CNTNAP5: variants seen among roughly 807,000 people sequenced by gnomAD.
CNTNAP5 encodes the protein contactin associated protein family member 5.
In CNTNAP5, 72 loss-of-function variants were observed where a neutral mutation model predicts 150.2. The observed-to-expected ratio is 0.48, with a 90% CI of 0.40 to 0.58. The LOEUF (loss-of-function observed/expected upper bound fraction) is 0.58, where lower values mean the gene tolerates loss of function less well. CNTNAP5 is among the 20% of genes least tolerant of loss of function. CNTNAP5 has a pLI of 0.00. For missense variants in CNTNAP5, 1,636 were observed against 1,626.2 expected (o/e 1.01, Z -0.10); for synonymous variants, 672 against 619.8 (o/e 1.08, Z -1.25).
At chr2:124,059,671 T>C (rs1321079157) in intron 1 of CNTNAP5, among the ~76,000 whole-genome samples, 1 of 152,268 alleles carries the variant, frequency 6.6e-6, no homozygotes, top group African/African-American at 2.4e-5. Context: ...CATAGGGCTG[T>C]TAAGAAGGAG....
chr2:124,503,217 T>C (rs978638282), intron 7 of CNTNAP5, among the ~76,000 whole-genome samples: 3 of 152,218 alleles, frequency 2.0e-5, no homozygotes, highest in Non-Finnish European at 4.4e-5. Flanking sequence ...ATTAGAAATG[T>C]GCTACTGGTA....
At chr2:124,397,465 A>G (rs1197310384) in intron 3 of CNTNAP5, among the ~76,000 whole-genome samples, 1 of 152,154 alleles carries the variant, frequency 6.6e-6, no homozygotes, top group Non-Finnish European at 1.5e-5. Context: ...ATCACAGAGC[A>G]TTCATTCTCA....
rs112583668 is a variant in CNTNAP5 at position 124,311,740 on chromosome 2, C to T, written c.381+69347C>T. On this transcript the variant is annotated intron_variant, in intron 3 of 23. Coordinates refer to ENST00000682447, the MANE Select transcript of CNTNAP5 (RefSeq NM_001367498.1). The stretch of plus-strand genomic sequence containing the variant: ...ATTTGTACAAGTCACCTGACGGTCA[C>T]GTGTATTCACTCAGTGAAACTTTGC... Among the ~76,000 whole-genome samples, 586 of 152,280 alleles carry T rather than the reference C, an allele frequency of 3.8e-3. 5 individuals are homozygous for T. The highest frequency in any genetic ancestry group is 0.014 in the African/African-American group (564 of 41,564).
In CNTNAP5 at chr2:124,707,140, G is replaced by GGAAGAAGAAGAAGAA. The variant is rs76714465; in HGVS notation, c.2078-40037_2078-40023dup. 8.5e-3 allele frequency among the ~76,000 whole-genome samples: 733 copies of GGAAGAAGAAGAAGAA among 86,448 alleles called. 25 individuals carry two copies. Among genetic ancestry groups the GGAAGAAGAAGAAGAA allele is most frequent in the African/African-American group, 0.015 (327 of 21,764 alleles). 56.7% of individuals were successfully genotyped at this position (86,448 alleles called of 152,430 possible). ...AGAAGAAGAAAGAAGAAGAAGAAGA[G>GGAAGAAGAAGAAGAA]GAAGAAGAAGAAGAAGAAGAAGAAG... On this transcript the variant is annotated intron_variant, in intron 13 of 23. Coordinates refer to ENST00000682447, the MANE Select transcript of CNTNAP5 (RefSeq NM_001367498.1).
At chr2:124,779,775 C>A (rs1413626939) in intron 17 of CNTNAP5, among the ~76,000 whole-genome samples, 1 of 152,134 alleles carries the variant, frequency 6.6e-6, no homozygotes, top group Non-Finnish European at 1.5e-5. Flanking sequence ...CTGACAGACT[C>A]CTCTTCATGG....
intron 13 of CNTNAP5, among the ~76,000 whole-genome samples, chr2:124,706,373 A>T (rs1320791483): frequency 3.3e-5 from 5 of 152,124 alleles, no homozygotes; most frequent in African/African-American, 1.2e-4. Flanking sequence ...ATTGATGTGA[A>T]TTTCTGATAA....
intron 2 of CNTNAP5, among the ~76,000 whole-genome samples, chr2:124,241,319 G>A (rs1686880577): frequency 6.6e-6 from 1 of 152,056 alleles, no homozygotes; most frequent in South Asian, 2.1e-4. Context: ...TACATGTCAG[G>A]TATACTGAAT....
intron 11 of CNTNAP5, among the ~76,000 whole-genome samples, chr2:124,584,349 T>C (rs1696482335): frequency 7.3e-6 from 1 of 137,090 alleles, no homozygotes; most frequent in African/African-American, 2.8e-5. Context: ...CTCATCACTG[T>C]GGTGATAAGG....
At chr2:124,085,349 G>A (rs1682661783) in intron 1 of CNTNAP5, among the ~76,000 whole-genome samples, 1 of 152,086 alleles carries the variant, frequency 6.6e-6, no homozygotes, top group African/African-American at 2.4e-5. Context: ...ACAGCTGTTT[G>A]TGGCAGTCCT....
At chr2:124,044,889 AACACACACACACACACACAC>A (rs147761848) in intron 1 of CNTNAP5, among the ~76,000 whole-genome samples, 10 of 144,074 alleles carry the variant, frequency 6.9e-5, no homozygotes, top group African/African-American at 2.6e-4. Context: ...GTAGTGAGGA[AACACACACACACACACACAC>A]ACACACACAC....
At chr2:124,310,006 AGTCT>A (rs1162254890) in intron 3 of CNTNAP5, among the ~76,000 whole-genome samples, 7 of 151,334 alleles carry the variant, frequency 4.6e-5, no homozygotes, top group African/African-American at 1.7e-4. Flanking sequence ...TAGCTTACAC[AGTCT>A]GTCTGCTCTG....
At chr2:124,601,685 T>G (rs1240822054) in intron 11 of CNTNAP5, among the ~76,000 whole-genome samples, 1 of 104,388 alleles carries the variant, frequency 9.6e-6, no homozygotes, top group Non-Finnish European at 2.2e-5. Flanking sequence ...GAAAATAATA[T>G]TCAAAGGAAA....
At chr2:124,541,179 A>AGTTTTTTTT (rs561235258) in intron 10 of CNTNAP5, among the ~76,000 whole-genome samples, 1 of 83,082 alleles carries the variant, frequency 1.2e-5, no homozygotes, top group Non-Finnish European at 2.3e-5. Flanking sequence ...CAAAATTCCG[A>AGTTTTTTTT]TTTTTTTTTT....
intron 7 of CNTNAP5, among the ~76,000 whole-genome samples, chr2:124,486,508 C>A (rs1244237190): frequency 1.3e-5 from 2 of 152,188 alleles, no homozygotes; most frequent in African/African-American, 4.8e-5. Context: ...GGCTTTGGAA[C>A]TGAACTTCAG....
chr2:124,290,865 T>TCTTC (rs879449604), intron 3 of CNTNAP5, among the ~76,000 whole-genome samples: 27 of 149,178 alleles, frequency 1.8e-4, no homozygotes, highest in African/African-American at 4.2e-4. Flanking sequence ...CCAAGTCTCA[T>TCTTC]CTTCCTTCCT....
At chr2:124,649,602 T>C (rs1410773860) in intron 13 of CNTNAP5, among the ~76,000 whole-genome samples, 2 of 152,206 alleles carry the variant, frequency 1.3e-5, no homozygotes, top group African/African-American at 2.4e-5. Context: ...TCACTGTCCC[T>C]GGCCTTATTT....
intron 5 of CNTNAP5, among the ~76,000 whole-genome samples, chr2:124,435,379 C>G (rs1464401616): frequency 6.6e-6 from 1 of 151,944 alleles, no homozygotes; most frequent in East Asian, 1.9e-4. Flanking sequence ...GGAGAGAGGC[C>G]CAGCCTCCTG....
intron 3 of CNTNAP5, among the ~76,000 whole-genome samples, chr2:124,366,103 C>T (rs1267765754): frequency 2.0e-5 from 3 of 152,068 alleles, no homozygotes; most frequent in Non-Finnish European, 4.4e-5. Context: ...AGGGTGAGAC[C>T]ACACATTCAA....
At chr2:124,478,889 C>T (rs1308445451) in intron 7 of CNTNAP5, among the ~76,000 whole-genome samples, 1 of 152,202 alleles carries the variant, frequency 6.6e-6, no homozygotes, top group African/African-American at 2.4e-5. Context: ...CACGGAAGCT[C>T]CAGCCTTTGC....
Sources: gnomAD v4.1 joint callset for allele counts (sites outside exome capture counted in the v4.1 genomes callset) on GRCh38, gnomAD v4.1.1 for gene constraint, MANE v1.5 for transcripts, NCBI Gene and HGNC (gene_info 2026-07-23, HGNC 2026-07-21) for gene names.